Variants in VPS13B observed in about 807,000 individuals in gnomAD.
VPS13B encodes the protein intermembrane lipid transfer protein VPS13B.
VPS13B carries 285 observed loss-of-function variants against 426.4 expected under a neutral mutation model. That is an observed-to-expected ratio of 0.67 (90% CI 0.61 to 0.74). VPS13B has a LOEUF of 0.74. Ranked by LOEUF, VPS13B falls within the 30% of genes least tolerant of loss-of-function variation. VPS13B has a pLI of 0.00. For missense variants in VPS13B, 4,537 were observed against 4,782.6 expected, an observed-to-expected ratio of 0.95 and a Z score of 1.51; for synonymous variants, 1,676 against 1,676.4, an observed-to-expected ratio of 1.00 and a Z score of 0.01.
At chr8:99,538,088 T>A (rs912369429) in intron 30 of VPS13B, among the ~76,000 whole-genome samples, 4 of 152,178 alleles carry the variant, frequency 2.6e-5, no homozygotes, top group Non-Finnish European at 5.9e-5. Context: ...TCCTTGTTTT[T>A]AAATCAGCAT....
intron 3 of VPS13B, among the ~76,000 whole-genome samples, chr8:99,084,564 C>G (rs537848457): frequency 1.3e-5 from 2 of 152,164 alleles, no homozygotes; most frequent in Non-Finnish European, 2.9e-5. Flanking sequence ...AATTTTAGAT[C>G]TTTCCTGCTT....
At chr8:99,179,992 C>G (rs1254113229) in intron 16 of VPS13B, among the ~76,000 whole-genome samples, 1 of 152,100 alleles carries the variant, frequency 6.6e-6, no homozygotes, top group Non-Finnish European at 1.5e-5. Flanking sequence ...ATTTTAGTGA[C>G]TTTTCCTATT....
intron 17 of VPS13B, among the ~76,000 whole-genome samples, chr8:99,258,714 G>GT (rs770842451): frequency 3.3e-5 from 5 of 151,966 alleles, no homozygotes; most frequent in Non-Finnish European, 5.9e-5. Flanking sequence ...CTGAAAGACT[G>GT]TTTATTTCAT....
intron 19 of VPS13B, among the ~76,000 whole-genome samples, chr8:99,285,761 G>A (rs568890315): frequency 1.2e-4 from 18 of 151,912 alleles, no homozygotes; most frequent in Non-Finnish European, 1.5e-5. Context: ...AAACACTTAC[G>A]GGTGAAATTC....
chr8:99,575,651 C>T lies in VPS13B; in HGVS notation c.4950-7C>T. On this transcript the variant is annotated splice_polypyrimidine_tract_variant and splice_region_variant and intron_variant, in intron 31 of 61. Transcript: ENST00000357162. ...AATGGCTAATAATCTTTTACTCTAT[C>T]TTTTAGCATACGGCGGCATCAAGAA... 2 of 1,613,694 alleles carry T rather than the reference C, an allele frequency of 1.2e-6. No homozygotes were observed. The highest frequency in any genetic ancestry group is 1.7e-6 in the Non-Finnish European group (2 of 1,179,810).
intron 2 of VPS13B, among the ~76,000 whole-genome samples, chr8:99,036,400 T>A (rs562176130): frequency 1.3e-5 from 2 of 152,314 alleles, no homozygotes; most frequent in South Asian, 4.1e-4. Context: ...AGACATATAT[T>A]TCAAGAAGGG....
chr8:99,111,024 T>G (rs1373503413), intron 5 of VPS13B, 74 bp from the exon 6 acceptor site: 2 of 1,161,388 alleles, frequency 1.7e-6, no homozygotes, highest in Admixed American at 4.5e-5. Flanking sequence ...TATTACTATT[T>G]ATACTAATAA....
intron 37 of VPS13B, among the ~76,000 whole-genome samples, chr8:99,718,105 G>A (rs1409870254): frequency 6.6e-6 from 1 of 151,674 alleles, no homozygotes; most frequent in African/African-American, 2.4e-5. Context: ...TTTGAGACAG[G>A]GTCTTCCTCT....
At chr8:99,479,175 A>T (rs1819905844) in intron 24 of VPS13B, among the ~76,000 whole-genome samples, 1 of 151,980 alleles carries the variant, frequency 6.6e-6, no homozygotes, top group African/African-American at 2.4e-5. Context: ...TTCATTCTGT[A>T]TTTCTGAGTA....
At position 99,482,954 on chromosome 8, in the gene VPS13B, C is replaced by T. The variant is rs185694735; in HGVS notation, c.3870+1152C>T. Among the ~76,000 whole-genome samples, 17 of 152,182 alleles carry T rather than the reference C, an allele frequency of 1.1e-4. No individual in the cohort carries two copies. In the East Asian group the frequency reaches 2.3e-3, roughly 21 times the overall value. Reference sequence around the variant, plus strand: ...GCTTAGAGAACAGAACTTTCCCCAACGAGAGCAACTGTTCTATAGTAGATG... The same window carrying T: ...GCTTAGAGAACAGAACTTTCCCCAATGAGAGCAACTGTTCTATAGTAGATG... On this transcript the variant is annotated intron_variant, in intron 25 of 61. Transcript: ENST00000357162.
chr8:99,721,840 G>C (rs984201498), intron 39 of VPS13B, among the ~76,000 whole-genome samples: 2 of 152,130 alleles, frequency 1.3e-5, no homozygotes, highest in African/African-American at 4.8e-5. Context: ...GATACAACTT[G>C]AGTTCAAGCT....
chr8:99,270,828 C>G (rs1818552573), intron 17 of VPS13B, among the ~76,000 whole-genome samples: 2 of 152,256 alleles, frequency 1.3e-5, no homozygotes, highest in African/African-American at 4.8e-5. Context: ...TTCTGTTTCT[C>G]TCTCATCATC....
At chr8:99,834,465 T>G (rs1257517775) in intron 52 of VPS13B, among the ~76,000 whole-genome samples, 1 of 152,188 alleles carries the variant, frequency 6.6e-6, no homozygotes, top group African/African-American at 2.4e-5. Context: ...TCAGCCTGCC[T>G]ACCTCTAGAA....
chr8:99,162,638 G>A (rs1041524418), intron 15 of VPS13B, among the ~76,000 whole-genome samples: 1 of 152,120 alleles, frequency 6.6e-6, no homozygotes, highest in Non-Finnish European at 1.5e-5. Context: ...AAGGCAGCGC[G>A]TCTGGAGTTG....
intron 34 of VPS13B, among the ~76,000 whole-genome samples, chr8:99,657,024 A>G (rs1016253760): frequency 1.3e-5 from 2 of 152,176 alleles, no homozygotes; most frequent in African/African-American, 4.8e-5. Context: ...TTTTGTTGGG[A>G]AATAGTCATT....
intron 3 of VPS13B, among the ~76,000 whole-genome samples, chr8:99,067,131 T>G (rs1397712767): frequency 6.6e-6 from 1 of 152,198 alleles, no homozygotes. Context: ...GACCCAGCCA[T>G]CCCGTTACTA....
chr8:99,401,544 C>T (rs957962945), intron 21 of VPS13B, among the ~76,000 whole-genome samples: 4 of 152,130 alleles, frequency 2.6e-5, no homozygotes, highest in Non-Finnish European at 4.4e-5. Context: ...TGAGGAAGGA[C>T]TCCAATGATA....
At chr8:99,661,541 A>G in intron 35 of VPS13B, 50 bp downstream of exon 35, 1 of 1,591,784 alleles carries the variant, frequency 6.3e-7, no homozygotes, top group South Asian at 1.1e-5. Flanking sequence ...ATGTGAATAT[A>G]TTAGCATGTA....
rs867233179 is a variant in VPS13B at position 99,210,466 on chromosome 8, G to A, written c.2515+17409G>A. On this transcript the variant is annotated intron_variant, in intron 17 of 61. Coordinates refer to ENST00000357162, the MANE Select transcript of VPS13B (RefSeq NM_152564.5). ...CTGGATCGGATATCGGGTCATTTTT[G>A]TAGTGTTTGTATGTGAATACATTTA... 1.3e-4 allele frequency among the ~76,000 whole-genome samples: 20 copies of A among 152,190 alleles called. 1 individual carries two copies. The Middle Eastern group carries it at 0.014, about 104-fold the overall frequency.
Sources: allele counts gnomAD v4.1 joint callset (sites outside exome capture counted in the v4.1 genomes callset), GRCh38; gene constraint gnomAD v4.1.1; transcripts MANE v1.5; gene names NCBI Gene and HGNC (gene_info 2026-07-23, HGNC 2026-07-21).